Variants in RDX observed in about 807,000 individuals in gnomAD.
The protein encoded by RDX is radixin.
In RDX, 32 loss-of-function variants were observed where a neutral mutation model predicts 83.7. The ratio of observed to expected loss-of-function variants is 0.38; its 90% CI spans 0.29 to 0.51. RDX has a LOEUF of 0.51. Among genes scored for constraint, RDX ranks in the 20% least tolerant of loss-of-function variants. RDX has a pLI of 0.87. For synonymous variants in RDX, 229 were observed against 222.7 expected (o/e 1.03, Z -0.25); for missense variants, 600 against 689.9 (o/e 0.87, Z 1.46).
chr11:110,177,575 AC>A (rs1407047301), intron 15 of RDX, among the ~76,000 whole-genome samples: 1 of 151,760 alleles, frequency 6.6e-6, no homozygotes, highest in Non-Finnish European at 1.5e-5. Context: ...CACTTTCATC[AC>A]CTTTGCCTCA....
chr11:110,232,352 C>G (rs1478697386), intron 13 of RDX, among the ~76,000 whole-genome samples: 1 of 152,024 alleles, frequency 6.6e-6, no homozygotes, highest in East Asian at 1.9e-4. Flanking sequence ...AAATCTATAC[C>G]TCAAGGGAAG....
chr11:110,198,932 T>C (rs1048007263), intron 15 of RDX, among the ~76,000 whole-genome samples: 3 of 152,018 alleles, frequency 2.0e-5, no homozygotes, highest in African/African-American at 7.2e-5. Context: ...TCTTCTGCCT[T>C]AGCCTCCGAA....
intron 15 of RDX, chr11:110,195,926 C>G (rs556053001): frequency 1.3e-5 from 2 of 152,116 alleles, no homozygotes; most frequent in Admixed American, 1.3e-4. Context: ...CCTGGCCCAT[C>G]TTGCTAAGGT....
chr11:110,189,241 GGT>G (rs1863051785), intron 15 of RDX, among the ~76,000 whole-genome samples: 1 of 13,976 alleles, frequency 7.2e-5, no homozygotes, highest in African/African-American at 2.8e-4. Context: ...ATGAACAACA[GGT>G]AAAAAAAAAA....
At chr11:110,224,118 A>G (rs186116497) in intron 14 of RDX, among the ~76,000 whole-genome samples, 11 of 152,206 alleles carry the variant, frequency 7.2e-5, no homozygotes, top group African/African-American at 2.2e-4. Context: ...TTGTGCCTGT[A>G]TATTCTGAGA....
intron 1 of RDX, among the ~76,000 whole-genome samples, chr11:110,283,864 T>TA (rs67648080): frequency 2.6e-5 from 4 of 151,616 alleles, no homozygotes; most frequent in African/African-American, 9.7e-5. Flanking sequence ...AATACCAAAA[T>TA]AAAAAAGAGT....
intron 15 of RDX, chr11:110,179,738 C>T (rs1368577216): frequency 3.5e-6 from 1 of 282,170 alleles, no homozygotes. Context: ...TACCACTGTA[C>T]TCCAGCCTGG....
At chr11:110,249,716 G>T (rs1322783862) in intron 9 of RDX, among the ~76,000 whole-genome samples, 4 of 152,018 alleles carry the variant, frequency 2.6e-5, no homozygotes, top group Non-Finnish European at 5.9e-5. Flanking sequence ...CTAAAAATAA[G>T]AATAAAAAAT....
chr11:110,215,320 G>A (rs1864001764), intron 14 of RDX, among the ~76,000 whole-genome samples: 2 of 149,834 alleles, frequency 1.3e-5, no homozygotes, highest in Non-Finnish European at 3.0e-5. Context: ...CTGAGATCGT[G>A]CCACTGAACT....
chr11:110,284,837 TAAAAAGGATGTCTGAATACACAGA>T (rs1860917518), intron 1 of RDX, among the ~76,000 whole-genome samples: 1 of 152,218 alleles, frequency 6.6e-6, no homozygotes, highest in Non-Finnish European at 1.5e-5. Context: ...CAGGTATTAT[TAAAAAGGATGTCTGAATACACAGA>T]AAGTTAGTAC....
chr11:110,185,941 C>A (rs7936891), intron 15 of RDX, among the ~76,000 whole-genome samples: 7,462 of 152,254 alleles, frequency 0.049, 613 homozygotes, highest in African/African-American at 0.17. Flanking sequence ...AATGAGTGGA[C>A]CACCAGGGAA....
intron 15 of RDX, among the ~76,000 whole-genome samples, chr11:110,194,973 GTTTTTTGTT>G (rs1863172769): frequency 7.6e-6 from 1 of 130,794 alleles, no homozygotes; most frequent in African/African-American, 3.1e-5. Flanking sequence ...TTTTTTGGTT[GTTTTTTGTT>G]TTGTTTTGTT....
chr11:110,294,803 C>T (rs1861379976), intron 1 of RDX, among the ~76,000 whole-genome samples: 1 of 151,684 alleles, frequency 6.6e-6, no homozygotes, highest in Non-Finnish European at 1.5e-5. Flanking sequence ...ACTTCTGAGA[C>T]TCTCCTACAT....
At position 110,243,713 on chromosome 11, in the gene RDX, G is replaced by A. The variant is rs112273829; in HGVS notation, c.1090+3990C>T. ...AGCCTGCGTGACTGAGCAAGACCTT[G>A]TCTCAGGAAAAAAAAAAATACATGC... On this transcript the variant is annotated intron_variant, in intron 10 of 13. Transcript: ENST00000645495. Among the ~76,000 whole-genome samples the A allele has an allele frequency of 8.7e-4, 132 of 151,262 alleles. 1 individual carries two copies. The highest frequency in any genetic ancestry group is 3.1e-3 in the African/African-American group (127 of 41,182).
intron 2 of RDX, among the ~76,000 whole-genome samples, chr11:110,273,539 C>G (rs1361750759): frequency 2.0e-5 from 3 of 152,216 alleles, no homozygotes; most frequent in Non-Finnish European, 4.4e-5. Context: ...CTCAATCTAC[C>G]AAGTAGCTAG....
intron 14 of RDX, among the ~76,000 whole-genome samples, chr11:110,208,970 T>A (rs1475696436): frequency 6.6e-6 from 1 of 152,090 alleles, no homozygotes; most frequent in Admixed American, 6.5e-5. Context: ...GTAATACTTT[T>A]AAAAAATATA....
rs1160631445 is a variant in RDX, at chr11:110,279,709, T to C, written c.-17A>G. On this transcript the variant is annotated 5_prime_UTR_variant, in exon 2 of 14. Transcript: ENST00000645495. ...TTTCGGCATTTTCTTTCTCTTTTTGTTACCTTCTTTAAAAATTCTCCACTT... is the reference window on the plus strand; with the variant it reads ...TTTCGGCATTTTCTTTCTCTTTTTGCTACCTTCTTTAAAAATTCTCCACTT... 6.6e-7 allele frequency: 1 copy of C among 1,515,160 alleles called. No homozygotes were observed. 93.9% of individuals were successfully genotyped at this position (1,515,160 alleles called of 1,614,324 possible).
Position 110,231,733 on chromosome 11 carries a change from T to C in RDX, c.*136A>G, listed in dbSNP as rs1459328413. Reference sequence around the variant, plus strand: ...TAATGTTGAAGAGCTCCCCTTAAATTTGTCTTTTAGCTAGCACAGTCAAAC... The same window carrying C: ...TAATGTTGAAGAGCTCCCCTTAAATCTGTCTTTTAGCTAGCACAGTCAAAC... On this transcript the variant is annotated 3_prime_UTR_variant, in exon 14 of 14. Transcript: ENST00000645495. The C allele has an allele frequency of 2.2e-6, 2 of 921,464 alleles. No homozygotes were observed. Among genetic ancestry groups the C allele is most frequent in the East Asian group, 2.4e-5 (1 of 41,756 alleles). 57.1% of individuals were successfully genotyped at this position (921,464 alleles called of 1,614,324 possible).
chr11:110,199,085 G>C (rs999773601), intron 15 of RDX, among the ~76,000 whole-genome samples: 38 of 152,126 alleles, frequency 2.5e-4, no homozygotes, highest in African/African-American at 8.7e-4. Flanking sequence ...AAAGTGCTGG[G>C]ATTATAGGCA....
Sources: gnomAD v4.1 joint callset for allele counts (sites outside exome capture counted in the v4.1 genomes callset) on GRCh38, gnomAD v4.1.1 for gene constraint, MANE v1.5 for transcripts, NCBI Gene and HGNC (gene_info 2026-07-23, HGNC 2026-07-21) for gene names.